Variants in FAH observed in about 807,000 individuals in gnomAD.
FAH encodes fumarylacetoacetase.
Under a neutral mutation model 55.8 loss-of-function variants are expected in FAH, and 47 were observed. The observed-to-expected ratio is 0.84, with a 90% CI of 0.67 to 1.07. The LOEUF (loss-of-function observed/expected upper bound fraction) is 1.07, where lower values mean the gene tolerates loss of function less well. FAH is among the 50% of genes least tolerant of loss of function. The pLI, the probability that FAH is intolerant of heterozygous loss-of-function variation, is 0.00. For missense variants in FAH, 495 were observed against 545.9 expected, an observed-to-expected ratio of 0.91 and a Z score of 0.93; for synonymous variants, 199 against 207.7, an observed-to-expected ratio of 0.96 and a Z score of 0.36.
chr15:80,162,755 T>G (rs1337760420), intron 5 of FAH: 2 of 280,580 alleles, frequency 7.1e-6, no homozygotes, highest in Non-Finnish European at 1.4e-5. Context: ...GTTTCATTCA[T>G]TTGTTTGATC....
chr15:80,160,920 C>T (rs1567115348), intron 4 of FAH, among the ~76,000 whole-genome samples: 1 of 152,224 alleles, frequency 6.6e-6, no homozygotes, highest in African/African-American at 2.4e-5. Flanking sequence ...GAGGCTGGCT[C>T]AGCCTGCGGC....
intron 7 of FAH, among the ~76,000 whole-genome samples, chr15:80,171,224 C>T (rs1401476618): frequency 6.6e-6 from 1 of 151,950 alleles, no homozygotes; most frequent in African/African-American, 2.4e-5. Flanking sequence ...AGGTATATCT[C>T]CTAATGCTAT....
chr15:80,177,628 A>G, intron 11 of FAH, 45 bp downstream of exon 11: 2 of 1,556,404 alleles, frequency 1.3e-6, no homozygotes, highest in Middle Eastern at 1.7e-4. Context: ...ATTGAGGGAA[A>G]GAGAGACTTT....
rs764155500 is a variant in FAH, at chr15:80,181,098, A to C, written c.1119A>C (p.Ile373=). The C allele has an allele frequency of 2.5e-6, 4 of 1,613,868 alleles. No homozygotes were observed. Among genetic ancestry groups the C allele is most frequent in the Middle Eastern group, 1.6e-4 (1 of 6,084 alleles). Residue 373 remains isoleucine, a synonymous_variant, in exon 13 of 14, where the codon ATA becomes ATC. Coordinates refer to ENST00000561421, the MANE Select transcript of FAH (RefSeq NM_000137.4). ...LELSWKGTKP[I]DLGNGQTRKF... is the part of the protein sequence containing the mutation. ...TGTCGTGGAAGGGAACGAAGCCCAT[A>C]GACCTGGGGAATGGTCAGACCAGGA...
chr15:80,176,210 T>C (rs1244415380), intron 10 of FAH, among the ~76,000 whole-genome samples: 1 of 151,986 alleles, frequency 6.6e-6, no homozygotes, highest in East Asian at 1.9e-4. Context: ...GAGATGGGGT[T>C]TCTTCATGTT....
intron 4 of FAH, 38 bp downstream of exon 4, chr15:80,160,497 G>A: frequency 1.2e-6 from 2 of 1,602,260 alleles, no homozygotes; most frequent in Non-Finnish European, 1.7e-6. Context: ...GAACGGAGCA[G>A]CTTCGTGGGC....
At chr15:80,173,711 G>A (rs1459941530) in intron 9 of FAH, 1 of 210,868 alleles carries the variant, frequency 4.7e-6, no homozygotes, top group Non-Finnish European at 9.7e-6. Flanking sequence ...GATAGTCAGT[G>A]TCATGACCTT....
chr15:80,178,789 C>T (rs932001554), intron 11 of FAH, among the ~76,000 whole-genome samples: 4 of 151,824 alleles, frequency 2.6e-5, no homozygotes, highest in Admixed American at 1.3e-4. Flanking sequence ...GGGGTTTCAC[C>T]ATGTTAGCCA....
intron 8 of FAH, among the ~76,000 whole-genome samples, chr15:80,172,542 C>T (rs28462237): frequency 0.25 from 38,092 of 152,042 alleles, 5,212 homozygotes; most frequent in Middle Eastern, 0.34. Context: ...TATATTCTCC[C>T]GCTGATCCCT....
Position 80,181,083 on chromosome 15 carries a change from G to A in FAH, c.1104G>A (p.Lys368=). The change falls in exon 13 of 14, where the codon AAG becomes AAA. Residue 368 remains lysine, a synonymous_variant. Coordinates refer to ENST00000561421, the MANE Select transcript of FAH (RefSeq NM_000137.4). The part of the protein sequence containing the change: ...NFGSMLELSW[K]GTKPIDLGNG... ...GCTCCATGTTGGAACTGTCGTGGAA[G>A]GGAACGAAGCCCATAGACCTGGGGA... 1 of 1,613,946 alleles carries A rather than the reference G, an allele frequency of 6.2e-7. No homozygotes were observed.
rs1595890728 is a variant in FAH at position 80,160,442 on chromosome 15, A to T, written c.347A>T (p.His116Leu). 3 of 1,614,142 alleles carry T rather than the reference A, an allele frequency of 1.9e-6. No homozygotes were observed. In the South Asian group the frequency reaches 3.3e-5, roughly 18 times the overall value. ...ATCTCCCAGGCTTCTGCCACGATGC[A>T]CCTTCCAGCCACCATAGGTGAGTGC... ...AFISQASATM[H>L]LPATIGDYTD... Residue 116 changes from histidine to leucine, a missense_variant, in exon 4 of 14, where the codon CAC (histidine) becomes CTC (leucine). His to Leu is a moderately conservative substitution (Grantham distance 99, BLOSUM62 -3). Coordinates refer to ENST00000561421, the MANE Select transcript of FAH (RefSeq NM_000137.4).
Position 80,154,260 on chromosome 15 carries a change from G to A in FAH, c.81+1125G>A, listed in dbSNP as rs559972725. On this transcript the variant is annotated intron_variant, in intron 1 of 13. Coordinates refer to ENST00000561421, the MANE Select transcript of FAH (RefSeq NM_000137.4). ...TGCCCTCCTCAAACACTTTGCCCTC[G>A]GCAGATGTGTCCTCCCTCACCTTTC... Among the ~76,000 whole-genome samples, 185 of 152,290 alleles carry A rather than the reference G, an allele frequency of 1.2e-3. 1 individual carries two copies. The highest frequency in any genetic ancestry group is 3.4e-3 in the African/African-American group (141 of 41,544).
intron 7 of FAH, among the ~76,000 whole-genome samples, chr15:80,168,714 A>G (rs79635104): frequency 3.3e-5 from 5 of 152,106 alleles, no homozygotes; most frequent in Admixed American, 2.0e-4. Context: ...ATTCGGTGCC[A>G]TGTTTTTTGC....
chr15:80,162,626 G>A (rs2041158849), intron 5 of FAH: 5 of 475,212 alleles, frequency 1.1e-5, no homozygotes. Flanking sequence ...TCATTTATAA[G>A]CTGTGTATTA....
chr15:80,177,643 C>T, intron 11 of FAH, 60 bp downstream of exon 11: 1 of 1,475,900 alleles, frequency 6.8e-7, no homozygotes, highest in African/African-American at 1.4e-5. Context: ...GACTTTTCTT[C>T]CTGGCAGGAA....
chr15:80,176,648 A>T (rs989211497), intron 10 of FAH, among the ~76,000 whole-genome samples: 1 of 152,204 alleles, frequency 6.6e-6, no homozygotes, highest in Non-Finnish European at 1.5e-5. Context: ...CAAGTGTGTC[A>T]CAAGTTCTAG....
At chr15:80,185,214 C>G (rs1283959722) in intron 13 of FAH, among the ~76,000 whole-genome samples, 1 of 152,176 alleles carries the variant, frequency 6.6e-6, no homozygotes, top group Non-Finnish European at 1.5e-5. Flanking sequence ...CCCAGCCACC[C>G]AGCTCATAAT....
intron 13 of FAH, among the ~76,000 whole-genome samples, chr15:80,185,250 G>A (rs1567123188): frequency 1.3e-5 from 2 of 152,182 alleles, no homozygotes. Flanking sequence ...CACTTACAGG[G>A]AATTTCAAAT....
At chr15:80,176,091 C>T (rs1004700509) in intron 10 of FAH, among the ~76,000 whole-genome samples, 2 of 152,068 alleles carry the variant, frequency 1.3e-5, no homozygotes, top group African/African-American at 4.8e-5. Flanking sequence ...GATCTTGGCT[C>T]ACCACAACCT....
Sources: gnomAD v4.1 joint callset for allele counts (sites outside exome capture counted in the v4.1 genomes callset) on GRCh38, gnomAD v4.1.1 for gene constraint, MANE v1.5 for transcripts, NCBI Gene and HGNC (gene_info 2026-07-23, HGNC 2026-07-21) for gene names.